The following MX2 variants were observed in gnomAD, a reference collection of about 807,000 sequenced individuals.
MX2 encodes the protein MX dynamin like GTPase 2.
A neutral mutation model predicts 74.0 loss-of-function variants in MX2; 51 were observed. The ratio of observed to expected loss-of-function variants is 0.69; its 90% CI spans 0.55 to 0.87. MX2 has a LOEUF of 0.87. Ranked by LOEUF, MX2 falls within the 40% of genes least tolerant of loss-of-function variation. MX2 has a pLI of 0.00. For missense variants in MX2, 832 were observed against 908.7 expected, an observed-to-expected ratio of 0.92 and a Z score of 1.09; for synonymous variants, 369 against 339.3, an observed-to-expected ratio of 1.09 and a Z score of -0.96.
At position 41,408,407 on chromosome 21, in the gene MX2, C is replaced by T. The variant is rs1189864837; in HGVS notation, c.*174C>T. 2.4e-6 allele frequency: 2 copies of T among 839,198 alleles called. No homozygotes were observed. Among genetic ancestry groups the T allele is most frequent in the Non-Finnish European group, 1.8e-6 (1 of 555,556 alleles). 52.0% of individuals were successfully genotyped at this position (839,198 alleles called of 1,614,324 possible). On this transcript the variant is annotated 3_prime_UTR_variant, in exon 14 of 14. Transcript: ENST00000330714. Reference sequence around the variant, plus strand: ...ATCAGGGGTCCACACAGGCTCAGCTCTCTCCACCACCCAGCTCTTCCCTGA... The same window carrying T: ...ATCAGGGGTCCACACAGGCTCAGCTTTCTCCACCACCCAGCTCTTCCCTGA...
chr21:41,393,033 G>T (rs993097297), intron 6 of MX2, among the ~76,000 whole-genome samples: 13 of 142,846 alleles, frequency 9.1e-5, no homozygotes, highest in Admixed American at 9.1e-4. Context: ...TTGAACCTGA[G>T]ACGAAGTTTG....
intron 12 of MX2, chr21:41,403,665 C>G (rs769366199): frequency 1.7e-6 from 1 of 575,084 alleles, no homozygotes; most frequent in Non-Finnish European, 3.4e-6. Flanking sequence ...AAGCATAAAG[C>G]ACAGCATTGT....
rs138285630 is a variant in MX2, at chr21:41,386,005, C to A, written c.732+3441C>A. 3.6e-3 allele frequency among the ~76,000 whole-genome samples: 539 copies of A among 151,828 alleles called. 2 individuals are homozygous for A. The highest frequency in any genetic ancestry group is 0.026 in the South Asian group (124 of 4,806). ...AACCTTTGATTTGTTAAAAAAAATACAAATAAAGATAAGGGCTGGGCACAG... is the reference window on the plus strand; with the variant it reads ...AACCTTTGATTTGTTAAAAAAAATAAAAATAAAGATAAGGGCTGGGCACAG... On this transcript the variant is annotated intron_variant, in intron 5 of 13. Transcript: ENST00000330714.
intron 5 of MX2, among the ~76,000 whole-genome samples, chr21:41,385,819 A>G (rs1292238275): frequency 2.0e-5 from 3 of 152,178 alleles, no homozygotes; most frequent in Admixed American, 6.5e-5. Context: ...CAATTATAAT[A>G]AAAACATCCA....
intron 8 of MX2, among the ~76,000 whole-genome samples, chr21:41,398,375 T>C (rs866996102): frequency 7.2e-5 from 11 of 152,212 alleles, no homozygotes; most frequent in Admixed American, 7.2e-4. Flanking sequence ...AATAAGTCCA[T>C]TTTTATGGAT....
At chr21:41,372,049 C>A (rs2089333236) in intron 1 of MX2, among the ~76,000 whole-genome samples, 1 of 152,184 alleles carries the variant, frequency 6.6e-6, no homozygotes, top group Non-Finnish European at 1.5e-5. Context: ...CCCTCCAGGA[C>A]AGTAAGTCTA....
At chr21:41,376,227 A>G (rs1707741024) in intron 1 of MX2, among the ~76,000 whole-genome samples, 1 of 152,170 alleles carries the variant, frequency 6.6e-6, no homozygotes, top group Admixed American at 6.5e-5. Flanking sequence ...CATAGATGAC[A>G]CAGACCATCA....
intron 5 of MX2, among the ~76,000 whole-genome samples, chr21:41,383,361 AAAAT>A (rs1271346666): frequency 2.6e-5 from 4 of 152,184 alleles, no homozygotes; most frequent in Non-Finnish European, 2.9e-5. Flanking sequence ...CTCTGTCTCA[AAAAT>A]AAATAAATAA....
chr21:41,401,900 A>G (rs1159445518), intron 10 of MX2, 70 bp from the exon 11 acceptor site: 2 of 1,535,448 alleles, frequency 1.3e-6, no homozygotes, highest in African/African-American at 2.8e-5. Context: ...GACTTTATAA[A>G]ACTGTTGCTA....
rs1353798031 is a variant in MX2 at position 41,402,151 on chromosome 21, C to A, written c.1573+23C>A. On this transcript the variant is annotated intron_variant, in intron 11 of 13. Coordinates refer to ENST00000330714, the MANE Select transcript of MX2 (RefSeq NM_002463.2). The surrounding 1 kb of genome is among the most constrained non-coding windows in gnomAD (Gnocchi z 4.5). ...TGGGTGAGGACTTTCAAGCAGGACTCCCAAACCATCACTCTCATACCTTCC... is the reference window on the plus strand; with the variant it reads ...TGGGTGAGGACTTTCAAGCAGGACTACCAAACCATCACTCTCATACCTTCC... The A allele has an allele frequency of 6.2e-7, 1 of 1,605,838 alleles. No individual in the cohort carries two copies. Among genetic ancestry groups the A allele is most frequent in the South Asian group, 1.1e-5 (1 of 89,926 alleles).
In MX2 at chr21:41,377,896, A is replaced by G. The variant is rs769048187; in HGVS notation, c.357A>G (p.Pro119=). The G allele has an allele frequency of 1.2e-5, 19 of 1,614,074 alleles. No homozygotes were observed. Among genetic ancestry groups the G allele is most frequent in the Non-Finnish European group, 1.5e-5 (18 of 1,180,044 alleles). ...ALGVEQDLAL[P]AIAVIGDQSS... ...GTGTGGAGCAGGACCTGGCCCTGCC[A>G]GCCATCGCCGTCATCGGGGACCAGA... Residue 119 remains proline, a synonymous_variant, in exon 3 of 14, where the codon CCA becomes CCG. Coordinates refer to ENST00000330714, the MANE Select transcript of MX2 (RefSeq NM_002463.2).
chr21:41,395,853 C>A, intron 7 of MX2, 68 bp downstream of exon 7: 1 of 1,497,088 alleles, frequency 6.7e-7, no homozygotes, highest in Non-Finnish European at 9.2e-7. Context: ...AGAGTTGGCC[C>A]AGATCATGAC....
rs141054544 is a variant in MX2, at chr21:41,390,292, G to A, written c.733-273G>A. The A allele has an allele frequency of 1.9e-3, 788 of 422,774 alleles. 6 individuals are homozygous for A. Among genetic ancestry groups the A allele is most frequent in the African/African-American group, 0.015 (732 of 50,002 alleles). The allele number at this position is 422,774 out of a possible 1,614,324, so 26.2% of individuals were successfully genotyped here. ...CATCTCGGGTGAGATCTAGAGGGGA[G>A]GGAGGGGTTGTACTTGGTTGCAGGA... is the stretch of plus-strand genomic sequence containing the variant. On this transcript the variant is annotated intron_variant, in intron 5 of 13. Transcript: ENST00000330714.
chr21:41,403,532 C>G, intron 12 of MX2, 189 bp downstream of exon 12: 1 of 752,022 alleles, frequency 1.3e-6, no homozygotes, highest in Non-Finnish European at 2.5e-6. Flanking sequence ...GGCTTCTGCT[C>G]AGGAGGCGGC....
intron 7 of MX2, 104 bp from the exon 8 acceptor site, chr21:41,397,509 G>A (rs533882807): frequency 9.6e-5 from 93 of 967,480 alleles, no homozygotes; most frequent in South Asian, 9.3e-4. Context: ...CTGATGGCAC[G>A]TGTTGCCCCG....
Position 41,397,626 on chromosome 21 carries a change from G to A in MX2, c.1084G>A (p.Glu362Lys). 1 of 1,614,042 alleles carries A rather than the reference G, an allele frequency of 6.2e-7. No homozygotes were observed. Among genetic ancestry groups the A allele is most frequent in the African/African-American group, 1.3e-5 (1 of 75,062 alleles). ...THPYFRVLLE[E>K]GSATVPRLAE... ...GTCTCATTTCAGAGTTCTCCTGGAGGAGGGGTCAGCCACGGTTCCCCGACT... is the reference window on the plus strand; with the variant it reads ...GTCTCATTTCAGAGTTCTCCTGGAGAAGGGGTCAGCCACGGTTCCCCGACT... Residue 362 changes from glutamate to lysine, a missense_variant, in exon 8 of 14, where the codon GAG (glutamate) becomes AAG (lysine). Glu to Lys is a moderately conservative substitution (Grantham distance 56). Coordinates refer to ENST00000330714, the MANE Select transcript of MX2 (RefSeq NM_002463.2).
In MX2 at chr21:41,380,451, A is replaced by G. The variant is rs577241240; in HGVS notation, c.577+300A>G. Among the ~76,000 whole-genome samples the G allele has an allele frequency of 2.7e-5, 4 of 150,698 alleles. No individual in the cohort carries two copies. In the Middle Eastern group the frequency reaches 0.01, roughly 384 times the overall value. On this transcript the variant is annotated intron_variant, in intron 4 of 13. Coordinates refer to ENST00000330714, the MANE Select transcript of MX2 (RefSeq NM_002463.2). The surrounding 1 kb of genome is among the most constrained non-coding windows in gnomAD (Gnocchi z 4.3). ...CTCCCCGCCAGCCCAGGCTTTCTCT[A>G]CTCCACAGGGTACTCGCCCTCTCTT...
chr21:41,403,672 T>C (rs1397191909), intron 12 of MX2: 3 of 556,746 alleles, frequency 5.4e-6, no homozygotes, highest in East Asian at 4.7e-5. Flanking sequence ...AAGCACAGCA[T>C]TGTTTACTAG....
chr21:41,375,282 G>T (rs373082063), intron 1 of MX2, among the ~76,000 whole-genome samples: 1 of 152,238 alleles, frequency 6.6e-6, no homozygotes, highest in African/African-American at 2.4e-5. Context: ...TGAGGGCTTG[G>T]TCTGACTTGA....
Sources: allele counts gnomAD v4.1 joint callset (sites outside exome capture counted in the v4.1 genomes callset), GRCh38; gene constraint gnomAD v4.1.1; non-coding constraint Gnocchi (gnomAD v3.1); transcripts MANE v1.5; gene names NCBI Gene and HGNC (gene_info 2026-07-23, HGNC 2026-07-21).